PRELID2: variants seen among roughly 807,000 people sequenced by gnomAD.
PRELID2 encodes PRELI domain-containing protein 2.
A neutral mutation model predicts 28.4 loss-of-function variants in PRELID2; 25 were observed. The observed-to-expected ratio is 0.88, with a 90% CI of 0.64 to 1.23. The LOEUF (loss-of-function observed/expected upper bound fraction) is 1.23, where lower values mean the gene tolerates loss of function less well. Among genes scored for constraint, PRELID2 ranks in the 50% most tolerant of loss-of-function variants. The pLI, the probability that PRELID2 is intolerant of heterozygous loss-of-function variation, is 0.00. For synonymous variants in PRELID2, 76 were observed against 71.6 expected (o/e 1.06, Z -0.31); for missense variants, 201 against 214.4 (o/e 0.94, Z 0.39).
At chr5:145,654,003 A>C (rs1754346210) in intron 1 of PRELID2, among the ~76,000 whole-genome samples, 1 of 152,154 alleles carries the variant, frequency 6.6e-6, no homozygotes, top group South Asian at 2.1e-4. Context: ...GATCGCTAGC[A>C]AGACTAATAA....
At chr5:145,749,749 T>C (rs1757080751) in intron 1 of PRELID2, among the ~76,000 whole-genome samples, 1 of 152,094 alleles carries the variant, frequency 6.6e-6, no homozygotes, top group South Asian at 2.1e-4. Context: ...ATAAAGAAAA[T>C]GTGGTACATA....
At chr5:145,460,497 A>G in the PRELID2 span, among the ~76,000 whole-genome samples, 3 of 152,120 alleles carry the variant, frequency 2.0e-5, no homozygotes, top group African/African-American at 4.8e-5. Flanking sequence ...TCTTTTCCTA[A>G]CATACTCTAC....
At chr5:145,729,451 CT>C (rs1283852449) in intron 1 of PRELID2, 1 of 321,456 alleles carries the variant, frequency 3.1e-6, no homozygotes, top group Non-Finnish European at 5.6e-6. Context: ...TAAGTCCTCA[CT>C]TTGTCTTCTT....
At chr5:145,819,415 C>T (rs1416083081) in intron 3 of PRELID2, 2 of 1,589,690 alleles carry the variant, frequency 1.3e-6, no homozygotes, top group African/African-American at 2.7e-5. Context: ...TGCTTAAGGA[C>T]TTCAAAGAGA....
intron 1 of PRELID2, among the ~76,000 whole-genome samples, chr5:145,615,866 T>G (rs933184038): frequency 6.6e-6 from 1 of 152,362 alleles, no homozygotes; most frequent in East Asian, 1.9e-4. Flanking sequence ...GGTTCTGATT[T>G]TATCTGCTTC....
chr5:145,651,397 T>C (rs897178359), intron 1 of PRELID2, among the ~76,000 whole-genome samples: 5 of 152,154 alleles, frequency 3.3e-5, no homozygotes, highest in African/African-American at 7.2e-5. Context: ...TCTGACAGCA[T>C]TGAATAGAGT....
chr5:145,560,940 A>G (rs1752920321), intron 1 of PRELID2, among the ~76,000 whole-genome samples: 1 of 152,088 alleles, frequency 6.6e-6, no homozygotes, highest in African/African-American at 2.4e-5. Context: ...CTGTCTGTTT[A>G]CCATCCCGAC....
chr5:145,768,343 C>T (rs1365938799), intron 5 of PRELID2, among the ~76,000 whole-genome samples: 6 of 152,036 alleles, frequency 3.9e-5, no homozygotes, highest in Admixed American at 2.0e-4. Flanking sequence ...TGCCCCTTTT[C>T]GTTCTTATTC....
chr5:145,693,632 G>A (rs946382770), intron 1 of PRELID2, among the ~76,000 whole-genome samples: 7 of 152,050 alleles, frequency 4.6e-5, no homozygotes, highest in African/African-American at 1.7e-4. Context: ...AATTAGCCAG[G>A]CCATGGTGGT....
At position 145,741,419 on chromosome 5, in the gene PRELID2, T is replaced by TAAA. The variant is rs1561567765; in HGVS notation, n.70+23511_70+23512insTTT. Among the ~76,000 whole-genome samples, 16 of 82,076 alleles carry TAAA rather than the reference T, an allele frequency of 1.9e-4. 1 individual carries two copies. Among genetic ancestry groups the TAAA allele is most frequent in the Admixed American group, 6.4e-4 (4 of 6,256 alleles). 53.8% of individuals were successfully genotyped at this position (82,076 alleles called of 152,430 possible). A position where few individuals can be genotyped will look rare whatever the true frequency, so the allele number is the denominator to read the frequency against. ...ATATATAAACAAAATTTATTTATAA[T>TAAA]TTATTTATATATAAACAAAATTTAT... On this transcript the variant is annotated intron_variant and non_coding_transcript_variant, in intron 1 of 2. Coordinates refer to the PRELID2 transcript ENST00000510259.
At chr5:145,342,947 G>T in the PRELID2 span, among the ~76,000 whole-genome samples, 3 of 147,718 alleles carry the variant, frequency 2.0e-5, no homozygotes, top group African/African-American at 7.4e-5. Context: ...ATGATAAAGG[G>T]ATCAATCCAG....
At chr5:145,521,912 G>T (rs1047371461) in intron 1 of PRELID2, among the ~76,000 whole-genome samples, 13 of 152,236 alleles carry the variant, frequency 8.5e-5, no homozygotes, top group African/African-American at 3.1e-4. Flanking sequence ...ATAGAAAGTT[G>T]CCCTGCTAGA....
chr5:145,740,086 G>T (rs908938218), intron 1 of PRELID2, among the ~76,000 whole-genome samples: 1 of 149,984 alleles, frequency 6.7e-6, no homozygotes, highest in Non-Finnish European at 1.5e-5. Flanking sequence ...CTATTAACAA[G>T]AAACTCACAT....
the PRELID2 span, among the ~76,000 whole-genome samples, chr5:145,271,740 A>T: frequency 1.3e-5 from 2 of 152,106 alleles, no homozygotes; most frequent in African/African-American, 4.8e-5. Context: ...TGACACCTCC[A>T]TCCAAACAGT....
chr5:145,234,006 C>T, the PRELID2 span, among the ~76,000 whole-genome samples: 1 of 152,030 alleles, frequency 6.6e-6, no homozygotes, highest in Non-Finnish European at 1.5e-5. Flanking sequence ...TTCTACAAAG[C>T]GAGTGGAAAA....
rs111510157 is a variant in PRELID2 at position 145,535,330 on chromosome 5, T to C, written n.71-62015A>G. 3.9e-5 allele frequency among the ~76,000 whole-genome samples: 6 copies of C among 151,994 alleles called. 1 individual carries two copies. Among genetic ancestry groups the C allele is most frequent in the African/African-American group, 1.4e-4 (6 of 41,522 alleles). ...ACTATTATACTGTAGCCCAGCGAGT[T>C]TAAGTGATTTTCTTAGAATCACACA... On this transcript the variant is annotated intron_variant and non_coding_transcript_variant, in intron 1 of 2. Coordinates refer to the PRELID2 transcript ENST00000510259.
chr5:145,670,608 C>T (rs1754687107), intron 1 of PRELID2, among the ~76,000 whole-genome samples: 1 of 152,154 alleles, frequency 6.6e-6, no homozygotes, highest in African/African-American at 2.4e-5. Flanking sequence ...CAGTCCCACT[C>T]TCCATTGCCT....
At chr5:145,287,346 A>G in the PRELID2 span, among the ~76,000 whole-genome samples, 330 of 152,276 alleles carry the variant, frequency 2.2e-3, 2 homozygotes, top group African/African-American at 7.7e-3. Context: ...ATATGAATGT[A>G]GTCTCTTGCT....
intron 1 of PRELID2, among the ~76,000 whole-genome samples, chr5:145,650,245 C>T (rs748120449): frequency 3.9e-4 from 59 of 152,218 alleles, no homozygotes; most frequent in South Asian, 1.7e-3. Context: ...AATTCAGCTT[C>T]TCAGTCCCTG....
Sources: gnomAD v4.1 joint callset for allele counts (sites outside exome capture counted in the v4.1 genomes callset) on GRCh38, gnomAD v4.1.1 for gene constraint, MANE v1.5 for transcripts, NCBI Gene and HGNC (gene_info 2026-07-23, HGNC 2026-07-21) for gene names.